The following CSNK1G2 variants were observed in gnomAD, a reference collection of about 807,000 sequenced individuals.
CSNK1G2 encodes casein kinase I isoform gamma-2.
A neutral mutation model predicts 48.0 loss-of-function variants in CSNK1G2; 11 were observed. The observed-to-expected ratio is 0.23, with a 90% CI of 0.14 to 0.38. The LOEUF is 0.38. Among genes scored for constraint, CSNK1G2 ranks in the 10% least tolerant of loss-of-function variants. The pLI is 1.00. For missense variants in CSNK1G2, 446 were observed against 595.5 expected, an observed-to-expected ratio of 0.75 and a Z score of 2.61; for synonymous variants, 337 against 254.1, an observed-to-expected ratio of 1.33 and a Z score of -3.10.
chr19:1,968,478 C>A (rs2015454798), intron 1 of CSNK1G2, among the ~76,000 whole-genome samples: 1 of 152,342 alleles, frequency 6.6e-6, no homozygotes, highest in Non-Finnish European at 1.5e-5. Flanking sequence ...GGCCCCCTCG[C>A]TCCAGAGAGC....
At chr19:1,975,733 A>T in intron 2 of CSNK1G2, 1 of 984,902 alleles carries the variant, frequency 1.0e-6, no homozygotes, top group South Asian at 4.7e-5. Flanking sequence ...CAGTGTCCTG[A>T]GCTCTAAAAC....
chr19:1,950,452 T>C (rs1489781245), intron 1 of CSNK1G2, among the ~76,000 whole-genome samples: 1 of 147,090 alleles, frequency 6.8e-6, no homozygotes, highest in African/African-American at 2.6e-5. Context: ...AATGTTTATT[T>C]TTAAGTAGCA....
chr19:1,978,373 G>T lies in CSNK1G2; in HGVS notation c.228+28G>T. On this transcript the variant is annotated intron_variant, in intron 3 of 11. Transcript: ENST00000255641. This position sits in a 1 kb window ranked among gnomAD's most constrained non-coding sequence, Gnocchi z 7.3. ...GAGTCGGCCCCTCCACCCCACCCCC[G>T]CTGACGTGCCCCCCAGGGATTTCAG... 3 of 1,604,600 alleles carry T rather than the reference G, an allele frequency of 1.9e-6. No individual in the cohort carries two copies. Among genetic ancestry groups the T allele is most frequent in the Non-Finnish European group, 2.6e-6 (3 of 1,172,344 alleles).
At chr19:1,947,503 G>A (rs957843947) in intron 1 of CSNK1G2, among the ~76,000 whole-genome samples, 4 of 152,258 alleles carry the variant, frequency 2.6e-5, no homozygotes, top group Non-Finnish European at 5.9e-5. Context: ...TGGCGCTGAT[G>A]CCCAGGCTCT....
At chr19:1,949,137 C>A (rs1424325968) in intron 1 of CSNK1G2, among the ~76,000 whole-genome samples, 1 of 152,180 alleles carries the variant, frequency 6.6e-6, no homozygotes, top group Non-Finnish European at 1.5e-5. Flanking sequence ...TTCAAACCTG[C>A]CGTGGTCAAG....
Position 1,980,360 on chromosome 19 carries a change from C to G in CSNK1G2, c.*157C>G, listed in dbSNP as rs1368701122. ...GGGGCCGCGCCTGGCTCAGGCGGCC[C>G]CACCCCCGGGACGTGGGGTCACTTC... On this transcript the variant is annotated 3_prime_UTR_variant, in exon 12 of 12. Transcript: ENST00000255641. 2.1e-5 allele frequency: 18 copies of G among 874,680 alleles called. No homozygotes were observed. The Admixed American group carries it at 3.3e-4, about 16-fold the overall frequency. The allele number at this position is 874,680 out of a possible 1,614,324, so 54.2% of individuals were successfully genotyped here. A position where few individuals can be genotyped will look rare whatever the true frequency, so the allele number is the denominator to read the frequency against.
chr19:1,962,589 C>G (rs960901705), intron 1 of CSNK1G2, among the ~76,000 whole-genome samples: 1 of 151,842 alleles, frequency 6.6e-6, no homozygotes, highest in South Asian at 2.1e-4. Flanking sequence ...TGCTTGAGCC[C>G]GGGAGACAAG....
In CSNK1G2 at chr19:1,978,624, C is replaced by T; in HGVS notation, c.321C>T (p.Tyr107=). 6.2e-7 allele frequency: 1 copy of T among 1,602,540 alleles called. No homozygotes were observed. Among genetic ancestry groups the T allele is most frequent in the African/African-American group, 1.3e-5 (1 of 74,868 alleles). ...SATEGVPQVY[Y]FGPCGKYNAM... ...CAGAGGGCGTCCCTCAGGTCTACTACTTCGGTCCGTGCGGGAAGTACAACG... is the reference window on the plus strand; with the variant it reads ...CAGAGGGCGTCCCTCAGGTCTACTATTTCGGTCCGTGCGGGAAGTACAACG... The change falls in exon 5 of 12, where the codon TAC becomes TAT. Residue 107 remains tyrosine (Y), a synonymous_variant. Transcript: ENST00000255641. The surrounding 1 kb of genome is among the most constrained non-coding windows in gnomAD (Gnocchi z 7.3).
chr19:1,955,746 C>G (rs1381542520), intron 1 of CSNK1G2, among the ~76,000 whole-genome samples: 1 of 152,184 alleles, frequency 6.6e-6, no homozygotes, highest in East Asian at 1.9e-4. Context: ...ACTGCTGTCA[C>G]CGGAGGAGGC....
intron 1 of CSNK1G2, among the ~76,000 whole-genome samples, chr19:1,966,902 G>T (rs1419236432): frequency 2.0e-5 from 3 of 152,052 alleles, no homozygotes; most frequent in African/African-American, 7.3e-5. Context: ...ATGGGGTCTT[G>T]CTGTATCCCC....
chr19:1,961,616 G>A (rs554314577), intron 1 of CSNK1G2, among the ~76,000 whole-genome samples: 2 of 152,216 alleles, frequency 1.3e-5, no homozygotes, highest in South Asian at 2.1e-4. Context: ...CCCCCAAAGC[G>A]GCACGGCGCC....
Position 1,978,453 on chromosome 19 carries a change from G to A in CSNK1G2, c.240G>A (p.Lys80=). 6.2e-7 allele frequency: 1 copy of A among 1,609,208 alleles called. No individual in the cohort carries two copies. Among genetic ancestry groups the A allele is most frequent in the South Asian group, 1.1e-5 (1 of 90,716 alleles). Residue 80 remains lysine (K), a synonymous_variant, in exon 4 of 12, where the codon AAG becomes AAA. Transcript: ENST00000255641. The surrounding 1 kb of genome is among the most constrained non-coding windows in gnomAD (Gnocchi z 7.3). Reference sequence around the variant, plus strand: ...TCTTGTGCCCCCAGGAGCCGATCAAGTCCCGGGCCCCGCAGCTGCACCTGG... The same window carrying A: ...TCTTGTGCCCCCAGGAGCCGATCAAATCCCGGGCCCCGCAGCTGCACCTGG... The part of the protein sequence containing the change: ...EYVAIKLEPI[K]SRAPQLHLEY...
At chr19:1,974,768 G>A (rs2015695159) in intron 2 of CSNK1G2, 1 of 152,232 alleles carries the variant, frequency 6.6e-6, no homozygotes, top group Non-Finnish European at 1.5e-5. Context: ...CCAAGGTGTG[G>A]ACCTTTTGGG....
At chr19:1,953,743 G>C (rs2014871995) in intron 1 of CSNK1G2, 1 of 415,694 alleles carries the variant, frequency 2.4e-6, no homozygotes, top group African/African-American at 2.0e-5. Context: ...ACAGGGTCTG[G>C]TCCCAGCTGC....
At chr19:1,952,786 G>A (rs2014817689) in intron 1 of CSNK1G2, 3 of 315,798 alleles carry the variant, frequency 9.5e-6, no homozygotes, top group South Asian at 8.0e-5. Flanking sequence ...GACCTGGGCA[G>A]CTCCCCAGGA....
intron 1 of CSNK1G2, among the ~76,000 whole-genome samples, chr19:1,959,015 C>T (rs2015102049): frequency 6.8e-6 from 1 of 145,988 alleles, no homozygotes; most frequent in South Asian, 2.3e-4. Context: ...TCCCAGTCTG[C>T]ATCTCCATCT....
chr19:1,959,376 C>G (rs1323209600), intron 1 of CSNK1G2: 1 of 152,634 alleles, frequency 6.6e-6, no homozygotes, highest in Non-Finnish European at 1.5e-5. Flanking sequence ...GGTGTGATGT[C>G]TTTTTCCTGA....
intron 1 of CSNK1G2, among the ~76,000 whole-genome samples, chr19:1,951,222 T>TACCCTGTC (rs1555679087): frequency 6.9e-6 from 1 of 144,202 alleles, no homozygotes; most frequent in Non-Finnish European, 1.5e-5. Flanking sequence ...TCTACTAAAA[T>TACCCTGTC]ACCCTGTCTC....
chr19:1,954,417 G>A (rs1294181870), intron 1 of CSNK1G2: 1 of 182,394 alleles, frequency 5.5e-6, no homozygotes, highest in Non-Finnish European at 1.2e-5. Flanking sequence ...CCCCAGGTCA[G>A]AGGGCAGGGC....
Sources: allele counts gnomAD v4.1 joint callset (sites outside exome capture counted in the v4.1 genomes callset), GRCh38; gene constraint gnomAD v4.1.1; non-coding constraint Gnocchi (gnomAD v3.1); transcripts MANE v1.5; gene names NCBI Gene and HGNC (gene_info 2026-07-23, HGNC 2026-07-21).